PIK3C2G: variants seen among roughly 807,000 people sequenced by gnomAD.
PIK3C2G encodes the protein phosphatidylinositol 3-kinase C2 domain-containing subunit gamma.
A neutral mutation model predicts 181.1 loss-of-function variants in PIK3C2G; 168 were observed. That is an observed-to-expected ratio of 0.93 (90% CI 0.82 to 1.05). The LOEUF (loss-of-function observed/expected upper bound fraction) is 1.05. Ranked by LOEUF, PIK3C2G falls within the 50% of genes least tolerant of loss-of-function variation. The probability of loss-of-function intolerance (pLI) is 0.00; values close to 1 mark genes in which losing one functional copy is unlikely to be tolerated. For missense variants in PIK3C2G, 1,869 were observed against 1,732.8 expected (o/e 1.08, Z -1.40); for synonymous variants, 573 against 592.2 (o/e 0.97, Z 0.47).
Position 18,342,191 on chromosome 12 carries a change from C to A in PIK3C2G, c.1396-1136C>A, listed in dbSNP as rs1939205185. ...CAGTCTAACATTTTTAATAGTCTCA[C>A]CCACATAGATAGAGTGGGGATCTTA... is the stretch of plus-strand genomic sequence containing the variant. On this transcript the variant is annotated intron_variant, in intron 9 of 32. Coordinates refer to ENST00000538779, the MANE Select transcript of PIK3C2G (RefSeq NM_001288772.2). Among the ~76,000 whole-genome samples the A allele has an allele frequency of 2.0e-5, 3 of 151,952 alleles. No individual in the cohort carries two copies. In the South Asian group the frequency reaches 6.2e-4, roughly 32 times the overall value.
At chr12:18,406,427 G>T (rs1325528920) in intron 16 of PIK3C2G, among the ~76,000 whole-genome samples, 3 of 152,106 alleles carry the variant, frequency 2.0e-5, no homozygotes, top group South Asian at 2.1e-4. Context: ...TATTTTAATA[G>T]TGAAGTTAGA....
chr12:18,337,577 C>T (rs1226084338), intron 8 of PIK3C2G, among the ~76,000 whole-genome samples: 2 of 152,112 alleles, frequency 1.3e-5, no homozygotes, highest in Admixed American at 6.5e-5. Context: ...GCAATCATAG[C>T]AGAAGGTGAA....
At chr12:18,452,441 C>T (rs1307106730) in intron 18 of PIK3C2G, among the ~76,000 whole-genome samples, 1 of 151,070 alleles carries the variant, frequency 6.6e-6, no homozygotes, top group Non-Finnish European at 1.5e-5. Context: ...TTTTATTGTG[C>T]CTATTTGATT....
At chr12:18,469,384 G>A (rs1938229212) in intron 18 of PIK3C2G, among the ~76,000 whole-genome samples, 1 of 152,024 alleles carries the variant, frequency 6.6e-6, no homozygotes, top group Non-Finnish European at 1.5e-5. Context: ...AACCCCTGCT[G>A]GGGGGAAAAT....
chr12:18,533,483 A>G (rs181119305), intron 24 of PIK3C2G, among the ~76,000 whole-genome samples: 116 of 152,176 alleles, frequency 7.6e-4, no homozygotes, highest in Non-Finnish European at 1.3e-3. Context: ...CACAACTCTA[A>G]TCTAAGCTAC....
At chr12:18,470,838 T>A (rs1219087430) in intron 18 of PIK3C2G, among the ~76,000 whole-genome samples, 1 of 152,152 alleles carries the variant, frequency 6.6e-6, no homozygotes, top group African/African-American at 2.4e-5. Flanking sequence ...CAGGAGAATG[T>A]GTAGTTTCAA....
At chr12:18,519,087 G>A (rs1393099781) in intron 24 of PIK3C2G, among the ~76,000 whole-genome samples, 1 of 152,204 alleles carries the variant, frequency 6.6e-6, no homozygotes, top group Non-Finnish European at 1.5e-5. Flanking sequence ...ATTGCACTGT[G>A]GTCTGAGAGA....
At chr12:18,685,951 T>C in the PIK3C2G span, among the ~76,000 whole-genome samples, 3 of 151,838 alleles carry the variant, frequency 2.0e-5, no homozygotes, top group African/African-American at 7.3e-5. Context: ...GGATACCAAA[T>C]TTGATAGTGA....
intron 28 of PIK3C2G, among the ~76,000 whole-genome samples, chr12:18,565,821 A>G (rs1317017458): frequency 6.6e-6 from 1 of 152,142 alleles, no homozygotes; most frequent in South Asian, 2.1e-4. Flanking sequence ...TTGTTCTATC[A>G]ACAAGGAAAA....
chr12:18,552,584 A>G (rs1052916764), intron 26 of PIK3C2G, among the ~76,000 whole-genome samples: 27 of 152,142 alleles, frequency 1.8e-4, no homozygotes, highest in Admixed American at 1.6e-3. Context: ...AAGAAAGCAG[A>G]TTCAAAGGAA....
chr12:18,433,783 T>C (rs1246665453), intron 18 of PIK3C2G, among the ~76,000 whole-genome samples: 1 of 152,166 alleles, frequency 6.6e-6, no homozygotes, highest in Non-Finnish European at 1.5e-5. Flanking sequence ...TAAATCCCTC[T>C]AGGATGGGAA....
intron 9 of PIK3C2G, among the ~76,000 whole-genome samples, chr12:18,340,805 A>C (rs1939064420): frequency 6.6e-6 from 1 of 152,158 alleles, no homozygotes; most frequent in African/African-American, 2.4e-5. Flanking sequence ...ATGACAGTGT[A>C]GCTTAAATGA....
chr12:18,374,124 T>C (rs937052643), intron 13 of PIK3C2G, among the ~76,000 whole-genome samples: 1 of 152,176 alleles, frequency 6.6e-6, no homozygotes, highest in Non-Finnish European at 1.5e-5. Flanking sequence ...TAGAATTTTC[T>C]GAGGAGATTT....
At chr12:18,449,868 C>G (rs1389588497) in intron 18 of PIK3C2G, among the ~76,000 whole-genome samples, 1 of 152,160 alleles carries the variant, frequency 6.6e-6, no homozygotes, top group Non-Finnish European at 1.5e-5. Flanking sequence ...ACACTGTCTT[C>G]CATAATGGTT....
Position 18,314,037 on chromosome 12 carries a change from G to T in PIK3C2G, c.1110G>T (p.Arg370Ser). 6.3e-7 allele frequency: 1 copy of T among 1,575,582 alleles called. No individual in the cohort carries two copies. The highest frequency in any genetic ancestry group is 1.3e-5 in the African/African-American group (1 of 74,220). ...TTCAGCTCCACCTGCAGAAAAGTAG[G>T]GAAGCTCCAGGAAAGCTATCTCGAA... The part of the protein sequence containing the change: ...SVIQLHLQKS[R>S]EAPGKLSRKH... The change falls in exon 6 of 33, where the codon AGG (arginine) becomes AGT (serine). Residue 370 changes from arginine (R) to serine (S), a missense_variant. Transcript: ENST00000538779.
chr12:18,343,522 A>G (rs1340192228), intron 10 of PIK3C2G, among the ~76,000 whole-genome samples, 162 bp downstream of exon 10: 1 of 151,884 alleles, frequency 6.6e-6, no homozygotes, highest in African/African-American at 2.4e-5. Flanking sequence ...ATGCTTTTCT[A>G]AAGTTCTTTT....
intron 19 of PIK3C2G, among the ~76,000 whole-genome samples, chr12:18,489,395 T>G (rs1940354139): frequency 6.6e-6 from 1 of 152,036 alleles, no homozygotes. Context: ...TTCTCTCCAC[T>G]TATAATCTAA....
At chr12:18,568,668 A>G (rs945274915) in intron 29 of PIK3C2G, among the ~76,000 whole-genome samples, 3 of 152,140 alleles carry the variant, frequency 2.0e-5, no homozygotes, top group African/African-American at 4.8e-5. Flanking sequence ...TGCCAATTTC[A>G]ATATGAATCT....
chr12:18,454,913 G>T (rs1047547457), intron 18 of PIK3C2G, among the ~76,000 whole-genome samples: 1 of 152,062 alleles, frequency 6.6e-6, no homozygotes, highest in Non-Finnish European at 1.5e-5. Flanking sequence ...CACTATTTCT[G>T]TAGGTCAGGA....
Sources: allele counts gnomAD v4.1 joint callset (sites outside exome capture counted in the v4.1 genomes callset), GRCh38; gene constraint gnomAD v4.1.1; transcripts MANE v1.5; gene names NCBI Gene and HGNC (gene_info 2026-07-23, HGNC 2026-07-21).